Variants in KIF5A observed in about 807,000 individuals in gnomAD.
KIF5A encodes kinesin heavy chain isoform 5A.
In KIF5A, 35 loss-of-function variants were observed where a neutral mutation model predicts 141.3. The ratio of observed to expected loss-of-function variants is 0.25; its 90% CI spans 0.19 to 0.33. The LOEUF (loss-of-function observed/expected upper bound fraction) is 0.33, where lower values mean the gene tolerates loss of function less well. KIF5A is among the 10% of genes least tolerant of loss of function. The probability of loss-of-function intolerance (pLI) is 1.00; values close to 1 mark genes in which losing one functional copy is unlikely to be tolerated. For synonymous variants in KIF5A, 448 were observed against 500.2 expected (o/e 0.90, Z 1.39); for missense variants, 861 against 1,314.3 (o/e 0.66, Z 5.33).
chr12:57,583,317 TCAAAAC>T, intron 28 of KIF5A, 102 bp downstream of exon 28: 2 of 705,706 alleles, frequency 2.8e-6, no homozygotes, highest in South Asian at 3.2e-5. Flanking sequence ...TTTTATCACC[TCAAAAC>T]TTTAATTATG....
At chr12:57,559,921 G>A (rs1881858971) in intron 1 of KIF5A, among the ~76,000 whole-genome samples, 1 of 152,096 alleles carries the variant, frequency 6.6e-6, no homozygotes, top group Non-Finnish European at 1.5e-5. Context: ...GGACAGAGTT[G>A]CACTTTGCTG....
chr12:57,578,643 G>A (rs548528869), intron 23 of KIF5A, among the ~76,000 whole-genome samples: 2 of 152,190 alleles, frequency 1.3e-5, no homozygotes, highest in South Asian at 2.1e-4. Context: ...AACTATACAG[G>A]AGGGAGACTG....
chr12:57,565,284 G>A (rs1376676461), intron 6 of KIF5A, among the ~76,000 whole-genome samples: 1 of 152,028 alleles, frequency 6.6e-6, no homozygotes, highest in African/African-American at 2.4e-5. Context: ...AACTGGGCGT[G>A]GTGGCACATG....
intron 1 of KIF5A, among the ~76,000 whole-genome samples, chr12:57,557,310 C>A (rs1223741715): frequency 2.6e-5 from 4 of 151,482 alleles, no homozygotes; most frequent in Non-Finnish European, 5.9e-5. Flanking sequence ...TTGCTTGTTT[C>A]TGTTTCTTGG....
In KIF5A at chr12:57,567,604, G is replaced by T; in HGVS notation, c.700G>T (p.Ala234Ser). 6.2e-7 allele frequency: 1 copy of T among 1,613,096 alleles called. No individual in the cohort carries two copies. Among genetic ancestry groups the T allele is most frequent in the Non-Finnish European group, 8.5e-7 (1 of 1,179,626 alleles). The change falls in exon 8 of 29, where the codon GCA becomes TCA. Residue 234 changes from alanine (A) to serine (S), a missense_variant. Ala to Ser is a moderately conservative substitution (Grantham distance 99, BLOSUM62 1). Around this residue, in one of 5 missense-constraint regions of KIF5A, gnomAD observed 146 missense variants for 353.4 expected, o/e 0.41. Transcript: ENST00000455537. ...TGGGAAGCTGTATCTGGTGGACCTG[G>T]CAGGGAGTGAGAAGGTAGGGGGTCC... ...LSGKLYLVDL[A>S]GSEKVSKTGA... is the part of the protein sequence containing the mutation.
intron 1 of KIF5A, among the ~76,000 whole-genome samples, chr12:57,562,103 G>T (rs1225996453): frequency 1.3e-5 from 2 of 152,190 alleles, no homozygotes; most frequent in African/African-American, 4.8e-5. Context: ...TATATTCATT[G>T]GTTAGCTTCC....
intron 24 of KIF5A, 77 bp downstream of exon 24, chr12:57,581,249 G>A: frequency 6.6e-7 from 1 of 1,511,314 alleles, no homozygotes; most frequent in Non-Finnish European, 9.1e-7. Context: ...CAAGCAACTA[G>A]ATTATTGCTT....
intron 20 of KIF5A, 38 bp downstream of exon 20, chr12:57,576,900 G>A (rs755832016): frequency 2.0e-6 from 3 of 1,480,952 alleles, no homozygotes; most frequent in Non-Finnish European, 2.8e-6. Context: ...CTACAGCCTT[G>A]TAGGCTCAGA....
chr12:57,571,288 C>T (rs749860892), intron 12 of KIF5A, 33 bp from the exon 13 acceptor site: 6 of 1,320,764 alleles, frequency 4.5e-6, no homozygotes, highest in African/African-American at 4.3e-5. Context: ...GAGTAGCTTC[C>T]CTTCACCTGT....
At chr12:57,571,798 A>G (rs767471526) in intron 13 of KIF5A, among the ~76,000 whole-genome samples, 9 of 152,092 alleles carry the variant, frequency 5.9e-5, no homozygotes, top group Non-Finnish European at 1.3e-4. Flanking sequence ...AGCTCAGGCA[A>G]TGTGCCCACC....
At chr12:57,559,177 G>A (rs1196241826) in intron 1 of KIF5A, among the ~76,000 whole-genome samples, 8 of 152,244 alleles carry the variant, frequency 5.3e-5, no homozygotes, top group African/African-American at 7.2e-5. Flanking sequence ...ACAGTTGAAT[G>A]ACCTTGTATA....
At position 57,571,350 on chromosome 12, in the gene KIF5A, C is replaced by T. The variant is rs1882249643; in HGVS notation, c.1323C>T (p.Leu441=). 6.2e-7 allele frequency: 1 copy of T among 1,613,530 alleles called. No individual in the cohort carries two copies. Among genetic ancestry groups the T allele is most frequent in the African/African-American group, 1.3e-5 (1 of 74,862 alleles). ...ATGAAATCAACCAACAAAGCCAACT[C>T]ATAGAGAAGCTCAAGCAGCAAATGC... is the stretch of plus-strand genomic sequence containing the variant. ...KDDEINQQSQ[L]IEKLKQQMLD... Residue 441 remains leucine, a synonymous_variant, in exon 13 of 29, where the codon CTC becomes CTT. Coordinates refer to ENST00000455537, the MANE Select transcript of KIF5A (RefSeq NM_004984.4).
chr12:57,581,829 G>A, intron 25 of KIF5A, 41 bp from the exon 26 acceptor site: 2 of 1,543,340 alleles, frequency 1.3e-6, no homozygotes, highest in Non-Finnish European at 9.0e-7. Context: ...ACTAGTGGAG[G>A]GTGGGTGTCA....
intron 1 of KIF5A, among the ~76,000 whole-genome samples, chr12:57,552,607 G>A (rs1178785694): frequency 1.3e-5 from 2 of 152,176 alleles, no homozygotes; most frequent in East Asian, 1.9e-4. Flanking sequence ...ATCATTTAGG[G>A]AATGAGGGCT....
In KIF5A at chr12:57,576,121, G is replaced by A. The variant is rs748667856; in HGVS notation, c.2058G>A (p.Glu686=). ...TVHEVALKDK[E]PDTQDADEVK... is the part of the protein sequence containing the mutation. ...ATGAAGTGGCCCTGAAGGACAAGGAGCCTGACACTCAGGATGCAGATGAAG... is the reference window on the plus strand; with the variant it reads ...ATGAAGTGGCCCTGAAGGACAAGGAACCTGACACTCAGGATGCAGATGAAG... Residue 686 remains glutamate (E), a synonymous_variant, in exon 18 of 29, where the codon GAG becomes GAA. Coordinates refer to ENST00000455537, the MANE Select transcript of KIF5A (RefSeq NM_004984.4). The A allele has an allele frequency of 6.2e-7, 1 of 1,614,228 alleles. No individual in the cohort carries two copies. Among genetic ancestry groups the A allele is most frequent in the Non-Finnish European group, 8.5e-7 (1 of 1,180,034 alleles).
chr12:57,568,214 G>C (rs1882129318), intron 8 of KIF5A, among the ~76,000 whole-genome samples: 1 of 152,020 alleles, frequency 6.6e-6, no homozygotes, highest in South Asian at 2.1e-4. Context: ...ATTTGCATTG[G>C]GATATAATTC....
In KIF5A at chr12:57,571,332, C is replaced by T; in HGVS notation, c.1305C>T (p.Ile435=). 1 of 1,609,192 alleles carries T rather than the reference C, an allele frequency of 6.2e-7. No individual in the cohort carries two copies. Among genetic ancestry groups the T allele is most frequent in the Non-Finnish European group, 8.5e-7 (1 of 1,175,586 alleles). The change falls in exon 13 of 29, where the codon ATC becomes ATT. Residue 435 remains isoleucine, a synonymous_variant. Transcript: ENST00000455537. ...GTTGCCTCCAACAGGATGATGAAATCAACCAACAAAGCCAACTCATAGAGA... is the reference window on the plus strand; with the variant it reads ...GTTGCCTCCAACAGGATGATGAAATTAACCAACAAAGCCAACTCATAGAGA... ...YKQLDDKDDE[I]NQQSQLIEKL...
At chr12:57,577,474 G>C (rs971400738) in intron 20 of KIF5A, among the ~76,000 whole-genome samples, 3 of 152,016 alleles carry the variant, frequency 2.0e-5, no homozygotes, top group African/African-American at 4.8e-5. Flanking sequence ...ATACGTCTGT[G>C]GTCCCAGATG....
At chr12:57,573,052 G>C (rs1315310221) in intron 15 of KIF5A, among the ~76,000 whole-genome samples, 1 of 152,142 alleles carries the variant, frequency 6.6e-6, no homozygotes, top group African/African-American at 2.4e-5. Flanking sequence ...TTAGCCAGGC[G>C]TGGTGATGTG....
Sources: gnomAD v4.1 joint callset for allele counts (sites outside exome capture counted in the v4.1 genomes callset) on GRCh38, gnomAD v4.1.1 for gene constraint, gnomAD v4.1.1 regional missense constraint, MANE v1.5 for transcripts, NCBI Gene and HGNC (gene_info 2026-07-23, HGNC 2026-07-21) for gene names.